Variants in PKD2 observed in about 807,000 individuals in gnomAD.
PKD2 encodes polycystin 2, transient receptor potential cation channel.
In PKD2, 48 loss-of-function variants were observed where a neutral mutation model predicts 105.9. The ratio of observed to expected loss-of-function variants is 0.45; its 90% CI spans 0.36 to 0.58. PKD2 has a LOEUF of 0.58. Ranked by LOEUF, PKD2 falls within the 20% of genes least tolerant of loss-of-function variation. The pLI is 0.00. For synonymous variants in PKD2, 464 were observed against 481.1 expected (o/e 0.96, Z 0.46); for missense variants, 1,078 against 1,255.3 (o/e 0.86, Z 2.13).
At chr4:88,062,448 T>C (rs1178979754) in intron 10 of PKD2, among the ~76,000 whole-genome samples, 1 of 152,218 alleles carries the variant, frequency 6.6e-6, no homozygotes. Flanking sequence ...CCCTTTACCC[T>C]TGACCTTCCA....
chr4:88,039,816 A>T (rs148210692), intron 4 of PKD2, among the ~76,000 whole-genome samples: 1 of 152,188 alleles, frequency 6.6e-6, no homozygotes, highest in African/African-American at 2.4e-5. Flanking sequence ...GATGTTGCCC[A>T]GGCTGGCCTC....
chr4:88,068,208 T>C (rs1423372474), intron 13 of PKD2, 147 bp downstream of exon 13: 3 of 777,006 alleles, frequency 3.9e-6, no homozygotes, highest in Middle Eastern at 2.7e-4. Flanking sequence ...CAGTGGCTCA[T>C]GCCTGTAATC....
At chr4:88,065,023 G>A (rs754912343) in intron 10 of PKD2, among the ~76,000 whole-genome samples, 7 of 152,056 alleles carry the variant, frequency 4.6e-5, no homozygotes, top group African/African-American at 1.2e-4. Flanking sequence ...TTCATGATTC[G>A]GGTTTCTTGG....
chr4:88,036,078 A>G (rs1035369209), intron 2 of PKD2, 142 bp from the exon 3 acceptor site: 4 of 1,228,530 alleles, frequency 3.3e-6, no homozygotes, highest in African/African-American at 3.0e-5. Flanking sequence ...GATAGGGGAA[A>G]GGAAGGCAAG....
intron 2 of PKD2, among the ~76,000 whole-genome samples, chr4:88,021,704 C>T (rs950165603): frequency 1.3e-5 from 2 of 152,170 alleles, no homozygotes; most frequent in Non-Finnish European, 2.9e-5. Context: ...TTAGAAAGTT[C>T]GTCCTTAGCA....
intron 6 of PKD2, among the ~76,000 whole-genome samples, chr4:88,047,929 C>G (rs1578136795): frequency 6.6e-6 from 1 of 152,172 alleles, no homozygotes; most frequent in Non-Finnish European, 1.5e-5. Flanking sequence ...ATTATAACTT[C>G]TAAGATTTTT....
chr4:88,040,991 C>T (rs1292604946), intron 4 of PKD2, among the ~76,000 whole-genome samples: 1 of 152,182 alleles, frequency 6.6e-6, no homozygotes, highest in Non-Finnish European at 1.5e-5. Context: ...AGAAACAAAG[C>T]AGCAGGAAAC....
At chr4:88,064,145 CTG>C in intron 10 of PKD2, among the ~76,000 whole-genome samples, 1 of 152,250 alleles carries the variant, frequency 6.6e-6, no homozygotes, top group East Asian at 1.9e-4. Flanking sequence ...CAGGGTAAGA[CTG>C]TGTCTCAAAA....
At chr4:88,052,737 G>C (rs912689088) in intron 7 of PKD2, among the ~76,000 whole-genome samples, 3 of 152,140 alleles carry the variant, frequency 2.0e-5, no homozygotes, top group Non-Finnish European at 4.4e-5. Context: ...GGGGCCCCAG[G>C]CTGCTAACAG....
At chr4:88,069,732 A>G (rs2110143325) in intron 13 of PKD2, among the ~76,000 whole-genome samples, 1 of 152,240 alleles carries the variant, frequency 6.6e-6, no homozygotes, top group African/African-American at 2.4e-5. Context: ...GTATATATTT[A>G]TAAATGTGTA....
rs1199490302 is a variant in PKD2, at chr4:88,071,975, C to CTTTTTTT, written c.2523-2818_2523-2812dup. Reference sequence around the variant, plus strand: ...TGCAGGGCTAGTTTTAGAGGCCAGTCTTTTTTTTTTTTTTTTTTTTTTTTT... The same window carrying CTTTTTTT: ...TGCAGGGCTAGTTTTAGAGGCCAGTCTTTTTTTTTTTTTTTTTTTTTTTTTTTTTTTT... On this transcript the variant is annotated intron_variant, in intron 13 of 14. Transcript: ENST00000237596. Among the ~76,000 whole-genome samples, 18 of 87,120 alleles carry CTTTTTTT rather than the reference C, an allele frequency of 2.1e-4. No homozygotes were observed. The South Asian group carries it at 3.2e-3, about 15-fold the overall frequency. 57.2% of individuals were successfully genotyped at this position (87,120 alleles called of 152,430 possible). A position where few individuals can be genotyped will look rare whatever the true frequency, so the allele number is the denominator to read the frequency against.
At chr4:88,040,882 G>A (rs1727536312) in intron 4 of PKD2, among the ~76,000 whole-genome samples, 1 of 152,004 alleles carries the variant, frequency 6.6e-6, no homozygotes, top group Non-Finnish European at 1.5e-5. Flanking sequence ...GGCTTCCACT[G>A]ACATCTTTAT....
chr4:88,043,336 G>A lies in PKD2; in HGVS notation c.1198G>A (p.Glu400Lys). 6.2e-7 allele frequency: 1 copy of A among 1,613,914 alleles called. No individual in the cohort carries two copies. Among genetic ancestry groups the A allele is most frequent in the Non-Finnish European group, 8.5e-7 (1 of 1,179,824 alleles). Residue 400 changes from glutamate to lysine, a missense_variant, in exon 5 of 15, where the codon GAG (glutamate) becomes AAG (lysine). Transcript: ENST00000237596. ...GYYLDLSRTR[E>K]ETAAQVASLK... ...TTATCTGGATTTGTCAAGAACAAGA[G>A]AGGAAACAGCTGCACAAGTTGCTAG...
chr4:88,034,691 C>T (rs2725223), intron 2 of PKD2, among the ~76,000 whole-genome samples: 77,767 of 139,804 alleles, frequency 0.56, 22,691 homozygotes, highest in African/African-American at 0.73. Context: ...AAAAAAAAGG[C>T]AGAGTGGGGA....
Position 88,008,267 on chromosome 4 carries a change from C to T in PKD2, c.534C>T (p.Leu178=), listed in dbSNP as rs1726256800. The T allele has an allele frequency of 4.1e-6, 6 of 1,471,056 alleles. No individual in the cohort carries two copies. Among genetic ancestry groups the T allele is most frequent in the Non-Finnish European group, 5.4e-6 (6 of 1,116,090 alleles). 91.1% of individuals were successfully genotyped at this position (1,471,056 alleles called of 1,614,324 possible). The change falls in exon 1 of 15, where the codon CTC becomes CTT. Residue 178 remains leucine (L), a synonymous_variant. Coordinates refer to ENST00000237596, the MANE Select transcript of PKD2 (RefSeq NM_000297.4). Reference sequence around the variant, plus strand: ...GCGGGGACCCGCTGCATCGCCACCTCCCCCTGGAAGGGCAGCCGCCCCGAG... The same window carrying T: ...GCGGGGACCCGCTGCATCGCCACCTTCCCCTGGAAGGGCAGCCGCCCCGAG... ...VGGGDPLHRH[L]PLEGQPPRVA...
At chr4:88,052,958 C>A (rs371638492) in intron 7 of PKD2, among the ~76,000 whole-genome samples, 24 of 152,082 alleles carry the variant, frequency 1.6e-4, no homozygotes, top group African/African-American at 5.8e-4. Context: ...CCTTATTGTC[C>A]CAAGATATAA....
intron 10 of PKD2, among the ~76,000 whole-genome samples, chr4:88,063,531 C>CAAAAAA (rs202112108): frequency 1.0e-5 from 1 of 98,114 alleles, no homozygotes. Flanking sequence ...AACTCCGTCT[C>CAAAAAA]AAAAAAAAAA....
chr4:88,010,835 A>G (rs1025264847), intron 1 of PKD2, among the ~76,000 whole-genome samples: 4 of 152,242 alleles, frequency 2.6e-5, no homozygotes, highest in Non-Finnish European at 4.4e-5. Flanking sequence ...AAATAGATCT[A>G]TCTTCTTAGC....
Position 88,068,017 on chromosome 4 carries a change from G to A in PKD2, c.2478G>A (p.Arg826=), listed in dbSNP as rs1720861053. The change falls in exon 13 of 15, where the codon AGG becomes AGA. Residue 826 remains arginine (R), a synonymous_variant. Transcript: ENST00000237596. The part of the protein sequence containing the change: ...DDEDSGHSSR[R]RGSISSGVSY... ...AAGATAGCGGACATAGCTCCAGAAG[G>A]AGGGGAAGCATTTCTAGTGGCGTTT... is the stretch of plus-strand genomic sequence containing the variant. 6.2e-7 allele frequency: 1 copy of A among 1,614,022 alleles called. No individual in the cohort carries two copies. Among genetic ancestry groups the A allele is most frequent in the South Asian group, 1.1e-5 (1 of 91,080 alleles).
Sources: gnomAD v4.1 joint callset for allele counts (sites outside exome capture counted in the v4.1 genomes callset) on GRCh38, gnomAD v4.1.1 for gene constraint, MANE v1.5 for transcripts, NCBI Gene and HGNC (gene_info 2026-07-23, HGNC 2026-07-21) for gene names.